DENND1A: variants seen among roughly 807,000 people sequenced by gnomAD.
DENND1A encodes the protein DENN domain-containing protein 1A.
A neutral mutation model predicts 113.7 loss-of-function variants in DENND1A; 51 were observed. The observed-to-expected ratio is 0.45, with a 90% confidence interval of 0.36 to 0.57. The LOEUF (loss-of-function observed/expected upper bound fraction) is 0.57. DENND1A is among the 20% of genes least tolerant of loss of function. The pLI is 0.00. For missense variants in DENND1A, 1,258 were observed against 1,395.9 expected (o/e 0.90, Z 1.57); for synonymous variants, 565 against 570.8 (o/e 0.99, Z 0.14).
At position 123,389,250 on chromosome 9, in the gene DENND1A, G is replaced by A. The variant is rs182529337; in HGVS notation, c.1632-1392C>T. Among the ~76,000 whole-genome samples, 372 of 152,352 alleles carry A rather than the reference G, an allele frequency of 2.4e-3. 1 individual carries two copies. The highest frequency in any genetic ancestry group is 3.9e-3 in the Non-Finnish European group (268 of 68,040). ...ATCAGAACGCTCACTTCCTCCCAGA[G>A]GCTGGCCAGGCAAAGAGTTTTGTCC... On this transcript the variant is annotated intron_variant, in intron 21 of 23. Transcript: ENST00000394215.
At chr9:123,600,224 T>C (rs549983983) in intron 11 of DENND1A, among the ~76,000 whole-genome samples, 4 of 152,242 alleles carry the variant, frequency 2.6e-5, no homozygotes, top group Admixed American at 6.5e-5. Flanking sequence ...ATAAGTCTTT[T>C]AGTTTCTTTG....
intron 5 of DENND1A, among the ~76,000 whole-genome samples, chr9:123,720,473 A>G (rs1018870929): frequency 6.6e-6 from 1 of 152,178 alleles, no homozygotes; most frequent in Non-Finnish European, 1.5e-5. Flanking sequence ...GCGACTTCAA[A>G]TGTAATCAAA....
intron 13 of DENND1A, among the ~76,000 whole-genome samples, chr9:123,495,393 T>C (rs538008511): frequency 9.2e-5 from 14 of 152,246 alleles, no homozygotes; most frequent in African/African-American, 3.4e-4. Context: ...TGGGTGGACA[T>C]TCAAATGGCC....
intron 13 of DENND1A, among the ~76,000 whole-genome samples, chr9:123,553,431 TC>T (rs2057242720): frequency 6.6e-6 from 1 of 151,720 alleles, no homozygotes; most frequent in African/African-American, 2.4e-5. Flanking sequence ...CCTCCGTGAT[TC>T]TGATCCGCGG....
At chr9:123,489,071 T>TAC (rs144964204) in intron 13 of DENND1A, among the ~76,000 whole-genome samples, 1,838 of 149,730 alleles carry the variant, frequency 0.012, 19 homozygotes, top group Middle Eastern at 0.021. Context: ...TTCCCTCTGT[T>TAC]ACACACACAC....
chr9:123,511,321 G>A (rs2053443550), intron 13 of DENND1A, among the ~76,000 whole-genome samples: 1 of 152,232 alleles, frequency 6.6e-6, no homozygotes, highest in Non-Finnish European at 1.5e-5. Flanking sequence ...AGGCTATGGT[G>A]AGGATCTGAG....
chr9:123,723,553 T>C lies in DENND1A; in HGVS notation c.302+34150A>G, dbSNP rs1589814779. On this transcript the variant is annotated intron_variant, in intron 5 of 23. Transcript: ENST00000394215. ...TGGGAGCAACCCTGTGGGAGGTAAC[T>C]TATTCATGGGGGTGGTCTTTCCCAT... Among the ~76,000 whole-genome samples, 8 of 152,300 alleles carry C rather than the reference T, an allele frequency of 5.3e-5. 2 individuals are homozygous for C. The highest frequency in any genetic ancestry group is 5.2e-4 in the Admixed American group (8 of 15,304).
At chr9:123,712,273 A>G (rs2066686290) in intron 5 of DENND1A, among the ~76,000 whole-genome samples, 1 of 152,236 alleles carries the variant, frequency 6.6e-6, no homozygotes, top group Admixed American at 6.5e-5. Context: ...CTTCATCAAG[A>G]AAACAGAAGT....
intron 3 of DENND1A, among the ~76,000 whole-genome samples, chr9:123,775,446 G>C (rs908753616): frequency 6.6e-6 from 1 of 152,084 alleles, no homozygotes; most frequent in South Asian, 2.1e-4. Context: ...AAAGGAATAG[G>C]GGTCCCAACA....
intron 13 of DENND1A, among the ~76,000 whole-genome samples, chr9:123,543,757 C>T (rs1041781853): frequency 3.3e-5 from 5 of 152,204 alleles, no homozygotes; most frequent in Non-Finnish European, 5.9e-5. Context: ...TTCCCCGCAG[C>T]ACCCAATCTG....
intron 8 of DENND1A, among the ~76,000 whole-genome samples, chr9:123,652,780 A>T (rs1248280521): frequency 2.6e-5 from 4 of 152,214 alleles, no homozygotes; most frequent in African/African-American, 9.6e-5. Flanking sequence ...GGGAAAAAAA[A>T]TTGAAGACAA....
chr9:123,767,348 T>C (rs1352879580), intron 4 of DENND1A, among the ~76,000 whole-genome samples: 1 of 151,930 alleles, frequency 6.6e-6, no homozygotes, highest in Non-Finnish European at 1.5e-5. Context: ...AGAACTATTG[T>C]ACATGGTAAG....
chr9:123,623,198 A>C (rs561781789), intron 10 of DENND1A, among the ~76,000 whole-genome samples: 1 of 152,364 alleles, frequency 6.6e-6, no homozygotes, highest in East Asian at 1.9e-4. Flanking sequence ...TGAATTATAA[A>C]GTTTTCCCCT....
At chr9:123,432,012 A>C (rs955361959) in intron 19 of DENND1A, among the ~76,000 whole-genome samples, 2 of 151,964 alleles carry the variant, frequency 1.3e-5, no homozygotes, top group Admixed American at 1.3e-4. Context: ...CTGGATTTTC[A>C]CTCAGCTGCT....
chr9:123,382,273 G>A lies in DENND1A; in HGVS notation c.2372C>T (p.Ala791Val). 1.2e-6 allele frequency: 2 copies of A among 1,610,788 alleles called. No homozygotes were observed. The highest frequency in any genetic ancestry group is 1.7e-6 in the Non-Finnish European group (2 of 1,179,620). ...RPAKLQAAGA[A>V]LGDVSERLQT... ...CAGCCGCTCTGAGACGTCACCAAGT[G>A]CGGCGCCGGCAGCCTGGAGCTTGGC... Residue 791 changes from alanine to valine, a missense_variant, in exon 24 of 24, where the codon GCA becomes GTA. Ala to Val is a moderately conservative substitution (Grantham distance 64, BLOSUM62 0). Transcript: ENST00000394215.
intron 1 of DENND1A, among the ~76,000 whole-genome samples, chr9:123,922,734 T>C (rs1263853500): frequency 6.6e-6 from 1 of 152,208 alleles, no homozygotes; most frequent in Non-Finnish European, 1.5e-5. Flanking sequence ...CAGTTCCCTA[T>C]ATCTGGAATG....
intron 2 of DENND1A, among the ~76,000 whole-genome samples, chr9:123,797,627 T>C (rs770338908): frequency 6.6e-6 from 1 of 152,192 alleles, no homozygotes; most frequent in Non-Finnish European, 1.5e-5. Context: ...GCTTCATTTA[T>C]TTTACATTGT....
At chr9:123,717,345 G>A (rs181569647) in intron 5 of DENND1A, among the ~76,000 whole-genome samples, 13 of 152,218 alleles carry the variant, frequency 8.5e-5, no homozygotes, top group Admixed American at 4.6e-4. Context: ...TAGGAGATAC[G>A]TATAATGTAT....
At chr9:123,493,654 A>C (rs1007209010) in intron 13 of DENND1A, among the ~76,000 whole-genome samples, 2 of 152,148 alleles carry the variant, frequency 1.3e-5, no homozygotes, top group Non-Finnish European at 2.9e-5. Context: ...CCCCAGAGGA[A>C]TTTGGCTTGG....
Sources: gnomAD v4.1 joint callset for allele counts (sites outside exome capture counted in the v4.1 genomes callset) on GRCh38, gnomAD v4.1.1 for gene constraint, MANE v1.5 for transcripts, NCBI Gene and HGNC (gene_info 2026-07-23, HGNC 2026-07-21) for gene names.